KDM2A: variants seen among roughly 807,000 people sequenced by gnomAD.
KDM2A encodes the protein lysine demethylase 2A.
In KDM2A, 3 loss-of-function variants were observed where a neutral mutation model predicts 137.3. The ratio of observed to expected loss-of-function variants is 0.02; its 90% CI spans 0.01 to 0.06. The LOEUF (loss-of-function observed/expected upper bound fraction) is 0.06, where lower values mean the gene tolerates loss of function less well. Ranked by LOEUF, KDM2A falls within the 10% of genes least tolerant of loss-of-function variation. KDM2A has a pLI of 1.00. For synonymous variants in KDM2A, 512 were observed against 541.5 expected (o/e 0.95, Z 0.76); for missense variants, 738 against 1,510.6 (o/e 0.49, Z 8.48).
chr11:67,139,715 T>A (rs892635389), intron 2 of KDM2A, among the ~76,000 whole-genome samples: 5 of 151,890 alleles, frequency 3.3e-5, no homozygotes, highest in East Asian at 3.9e-4. Flanking sequence ...TTTTTTTTTT[T>A]AATTTATTTT....
In KDM2A at chr11:67,137,554, T is replaced by TA. The variant is rs757502650; in HGVS notation, c.42+16199dup. Among the ~76,000 whole-genome samples, 6 of 152,272 alleles carry TA rather than the reference T, an allele frequency of 3.9e-5. No individual in the cohort carries two copies. In the South Asian group the frequency reaches 6.2e-4, roughly 16 times the overall value. ...TCATTGAATGTTTTGAGGGTCAGTG[T>TA]AAAGGAGGTAAATATAAGTATGACT... On this transcript the variant is annotated intron_variant, in intron 2 of 20. Transcript: ENST00000529006.
chr11:67,126,643 G>A (rs1280094764), intron 2 of KDM2A, among the ~76,000 whole-genome samples: 3 of 151,392 alleles, frequency 2.0e-5, no homozygotes, highest in African/African-American at 4.9e-5. Flanking sequence ...GGGAGGTGGA[G>A]GTTGCAGTGA....
At chr11:67,247,150 C>T (rs1241195907) in intron 15 of KDM2A, among the ~76,000 whole-genome samples, 4 of 116,798 alleles carry the variant, frequency 3.4e-5, no homozygotes, top group African/African-American at 6.5e-5. Context: ...AGTGCAGTGG[C>T]GTGACCTCGT....
At chr11:67,244,452 A>T (rs1859143912) in intron 13 of KDM2A, among the ~76,000 whole-genome samples, 1 of 152,130 alleles carries the variant, frequency 6.6e-6, no homozygotes, top group South Asian at 2.1e-4. Context: ...AGAAGTCAGG[A>T]TGAGGAAATA....
chr11:67,231,463 T>C (rs1858718182), intron 11 of KDM2A, 103 bp from the exon 12 acceptor site: 1 of 1,043,356 alleles, frequency 9.6e-7, no homozygotes, highest in Non-Finnish European at 1.4e-6. Flanking sequence ...TGTGGTAATT[T>C]TGTCATTTAT....
intron 11 of KDM2A, among the ~76,000 whole-genome samples, chr11:67,228,517 C>A (rs956690021): frequency 2.0e-5 from 3 of 151,700 alleles, no homozygotes; most frequent in African/African-American, 7.3e-5. Flanking sequence ...ATGGCAAAAC[C>A]CCATCTCTAC....
At chr11:67,123,310 T>C (rs901258771) in intron 2 of KDM2A, among the ~76,000 whole-genome samples, 12 of 130,918 alleles carry the variant, frequency 9.2e-5, no homozygotes, top group African/African-American at 3.3e-4. Context: ...TTGTGACTGC[T>C]AGAAAGGTTT....
At chr11:67,129,649 G>C (rs1478779834) in intron 2 of KDM2A, among the ~76,000 whole-genome samples, 7 of 151,484 alleles carry the variant, frequency 4.6e-5, no homozygotes, top group Non-Finnish European at 7.4e-5. Context: ...CAGGAGAATG[G>C]TGTGAACCCG....
At chr11:67,189,661 G>A (rs1005331072) in intron 5 of KDM2A, among the ~76,000 whole-genome samples, 2 of 152,062 alleles carry the variant, frequency 1.3e-5, no homozygotes, top group African/African-American at 4.8e-5. Flanking sequence ...TCAACATGGC[G>A]AAACCCCATC....
chr11:67,236,140 T>C (rs1431142818), intron 12 of KDM2A, among the ~76,000 whole-genome samples: 1 of 152,084 alleles, frequency 6.6e-6, no homozygotes, highest in African/African-American at 2.4e-5. Flanking sequence ...TGTGGTTTTT[T>C]TGTTTTTTGA....
intron 2 of KDM2A, among the ~76,000 whole-genome samples, chr11:67,125,509 C>CA (rs1461126851): frequency 6.6e-6 from 1 of 152,014 alleles, no homozygotes; most frequent in Non-Finnish European, 1.5e-5. Context: ...TGGTGGCTCA[C>CA]ACCTGAAATC....
At chr11:67,225,875 G>A (rs149404968) in intron 10 of KDM2A, among the ~76,000 whole-genome samples, 5,900 of 152,052 alleles carry the variant, frequency 0.039, 455 homozygotes, top group Admixed American at 0.18. Flanking sequence ...GACCAGCCTG[G>A]CCAAGATGGT....
chr11:67,166,812 C>T (rs1590740925), intron 2 of KDM2A, among the ~76,000 whole-genome samples: 2 of 152,290 alleles, frequency 1.3e-5, no homozygotes, highest in African/African-American at 4.8e-5. Flanking sequence ...CGTGGTGGGT[C>T]ATGTCTGTAA....
chr11:67,143,087 T>G (rs1253044745), intron 2 of KDM2A: 1 of 150,234 alleles, frequency 6.7e-6, no homozygotes, highest in African/African-American at 2.5e-5. Context: ...AATGACATGA[T>G]CTCAGCTCAC....
chr11:67,140,769 A>G (rs1856082073), intron 2 of KDM2A, among the ~76,000 whole-genome samples: 1 of 152,090 alleles, frequency 6.6e-6, no homozygotes, highest in African/African-American at 2.4e-5. Flanking sequence ...AAAAAGTTAC[A>G]AGTATACTTT....
chr11:67,136,715 G>T (rs1003107916), intron 2 of KDM2A, among the ~76,000 whole-genome samples: 2 of 152,140 alleles, frequency 1.3e-5, no homozygotes, highest in African/African-American at 4.8e-5. Context: ...GGGGCCCTAG[G>T]TATAGGGAAC....
intron 5 of KDM2A, among the ~76,000 whole-genome samples, chr11:67,188,472 ACT>A (rs1334553971): frequency 6.8e-6 from 1 of 147,998 alleles, no homozygotes. Context: ...ACAGAGCAAG[ACT>A]CTGTCTCAAA....
At chr11:67,191,731 A>G (rs1178851322) in intron 5 of KDM2A, among the ~76,000 whole-genome samples, 1 of 152,228 alleles carries the variant, frequency 6.6e-6, no homozygotes, top group African/African-American at 2.4e-5. Flanking sequence ...CTCAGTAAAT[A>G]TCATACTCAG....
chr11:67,135,131 C>T (rs1001841002), intron 2 of KDM2A, among the ~76,000 whole-genome samples: 1 of 151,696 alleles, frequency 6.6e-6, no homozygotes, highest in Non-Finnish European at 1.5e-5. Flanking sequence ...TGCAATGGCG[C>T]GATCTCGTCT....
Sources: gnomAD v4.1 joint callset for allele counts (sites outside exome capture counted in the v4.1 genomes callset) on GRCh38, gnomAD v4.1.1 for gene constraint, MANE v1.5 for transcripts, NCBI Gene and HGNC (gene_info 2026-07-23, HGNC 2026-07-21) for gene names.